Variants in SELENOT observed in about 807,000 individuals in gnomAD.
The protein encoded by SELENOT is thioredoxin reductase-like selenoprotein T.
A neutral mutation model predicts 24.3 loss-of-function variants in SELENOT; 9 were observed. The ratio of observed to expected loss-of-function variants is 0.37; its 90% CI spans 0.22 to 0.65. The LOEUF (loss-of-function observed/expected upper bound fraction) is 0.65. Ranked by LOEUF, SELENOT falls within the 30% of genes least tolerant of loss-of-function variation. The pLI is 0.60. For synonymous variants in SELENOT, 81 were observed against 86.0 expected (o/e 0.94, Z 0.32); for missense variants, 166 against 247.6 (o/e 0.67, Z 2.21).
intron 1 of SELENOT, 72 bp downstream of exon 1, chr3:150,603,571 G>A: frequency 6.8e-7 from 1 of 1,467,090 alleles, no homozygotes; most frequent in Non-Finnish European, 9.1e-7. Context: ...GCGAGGCCCC[G>A]GCTTCGCGGC....
chr3:150,611,770 C>A, intron 1 of SELENOT: 1 of 1,203,088 alleles, frequency 8.3e-7, no homozygotes, highest in Non-Finnish European at 1.2e-6. Flanking sequence ...CCGCTGAGAC[C>A]GCCCCTGCGC....
intron 1 of SELENOT, among the ~76,000 whole-genome samples, chr3:150,608,554 G>A (rs1358732275): frequency 2.0e-5 from 3 of 151,970 alleles, no homozygotes; most frequent in Non-Finnish European, 4.4e-5. Context: ...GATTGCTTGC[G>A]GCCAGGAGTT....
rs1368791970 is a variant in SELENOT at position 150,628,717 on chromosome 3, T to G, written c.*1088T>G. The G allele has an allele frequency of 6.6e-6, 1 of 152,162 alleles. No individual in the cohort carries two copies. The highest frequency in any genetic ancestry group is 1.5e-5 in the Non-Finnish European group (1 of 68,018). The allele number at this position is 152,162 out of a possible 1,614,324, so 9.4% of individuals were successfully genotyped here. A position where few individuals can be genotyped will look rare whatever the true frequency, so the allele number is the denominator to read the frequency against. ...CTGTTTCAGAGTTCTAAAAAGGCAG[T>G]TTTTTAAAAAACTTAAGTTGATAAA... On this transcript the variant is annotated 3_prime_UTR_variant, in exon 6 of 6. Transcript: ENST00000471696.
At chr3:150,615,193 A>G (rs1358980820) in intron 1 of SELENOT, among the ~76,000 whole-genome samples, 1 of 150,728 alleles carries the variant, frequency 6.6e-6, no homozygotes, top group African/African-American at 2.4e-5. Context: ...AAGGACATGA[A>G]TGCATCATTT....
rs191383021 is a variant in SELENOT at position 150,628,874 on chromosome 3, T to C, written c.*1245T>C. ...GCCAAAAGTGATTTAGGAAAAGTTA[T>C]AAGGTACAGGTTGAGTATCCCTTTT... On this transcript the variant is annotated 3_prime_UTR_variant, in exon 6 of 6. Coordinates refer to ENST00000471696, the MANE Select transcript of SELENOT (RefSeq NM_016275.5). 1.9e-3 allele frequency: 294 copies of C among 152,324 alleles called. 1 individual carries two copies. The highest frequency in any genetic ancestry group is 6.3e-3 in the African/African-American group (263 of 41,582). 9.4% of individuals were successfully genotyped at this position (152,324 alleles called of 1,614,324 possible).
chr3:150,607,077 A>G (rs529826498), intron 1 of SELENOT, among the ~76,000 whole-genome samples: 1 of 152,338 alleles, frequency 6.6e-6, no homozygotes, highest in Admixed American at 6.5e-5. Flanking sequence ...TACAGTTAAT[A>G]TTTACTTGAA....
At chr3:150,618,196 CTGTT>C (rs542279860) in intron 1 of SELENOT, among the ~76,000 whole-genome samples, 105 of 152,286 alleles carry the variant, frequency 6.9e-4, no homozygotes, top group African/African-American at 2.4e-3. Flanking sequence ...AGAAGGAACT[CTGTT>C]TGGATCTTCT....
At chr3:150,615,306 A>G (rs1473878311) in intron 1 of SELENOT, among the ~76,000 whole-genome samples, 1 of 151,690 alleles carries the variant, frequency 6.6e-6, no homozygotes, top group Non-Finnish European at 1.5e-5. Flanking sequence ...TGCTATTGTG[A>G]ATAATGCCGC....
Position 150,605,596 on chromosome 3 carries a change from T to A in SELENOT, c.137+2097T>A, listed in dbSNP as rs531279440. ...AACAAAAATGCTTCCATTTAAAAAA[T>A]TATTTTTATTTTTATTTTTCTGACA... On this transcript the variant is annotated intron_variant, in intron 1 of 5. Transcript: ENST00000471696. Among the ~76,000 whole-genome samples, 592 of 152,008 alleles carry A rather than the reference T, an allele frequency of 3.9e-3. 3 individuals carry two copies. The highest frequency in any genetic ancestry group is 0.013 in the African/African-American group (547 of 41,426).
rs560216509 is a variant in SELENOT at position 150,612,466 on chromosome 3, G to A, written c.137+8967G>A. 5.9e-5 allele frequency among the ~76,000 whole-genome samples: 9 copies of A among 152,160 alleles called. No individual in the cohort carries two copies. In the South Asian group the frequency reaches 1.7e-3, roughly 28 times the overall value. ...ATCCTTTGAGGATAATTAGATTTTGGTGTCATGTAATTTGGGTGGTATCAC... is the reference window on the plus strand; with the variant it reads ...ATCCTTTGAGGATAATTAGATTTTGATGTCATGTAATTTGGGTGGTATCAC... On this transcript the variant is annotated intron_variant, in intron 1 of 5. Transcript: ENST00000471696.
At position 150,629,933 on chromosome 3, in the gene SELENOT, A is replaced by G. The variant is rs1224152141; in HGVS notation, c.*2304A>G. The G allele has an allele frequency of 1.3e-5, 2 of 152,662 alleles. No homozygotes were observed. The highest frequency in any genetic ancestry group is 4.8e-5 in the African/African-American group (2 of 41,470). The allele number at this position is 152,662 out of a possible 1,614,324, so 9.5% of individuals were successfully genotyped here. On this transcript the variant is annotated 3_prime_UTR_variant, in exon 6 of 6. Transcript: ENST00000471696. ...TAAATGTCTGTGCACTATATTAATT[A>G]GAAGACCATAGAACATGCCAGCAGG... is the stretch of plus-strand genomic sequence containing the variant.
intron 1 of SELENOT, among the ~76,000 whole-genome samples, chr3:150,617,765 A>G (rs1726250135): frequency 7.1e-6 from 1 of 139,912 alleles, no homozygotes; most frequent in South Asian, 2.4e-4. Context: ...AGTGTTGTTT[A>G]TGCAACTTAA....
intron 1 of SELENOT, among the ~76,000 whole-genome samples, chr3:150,620,372 T>C (rs1044448741): frequency 6.6e-6 from 1 of 152,314 alleles, no homozygotes; most frequent in Non-Finnish European, 1.5e-5. Context: ...AGGATAGCTC[T>C]TGAATCATCT....
chr3:150,603,688 TA>T, intron 1 of SELENOT, 189 bp downstream of exon 1: 1 of 599,852 alleles, frequency 1.7e-6, no homozygotes, highest in Non-Finnish European at 2.8e-6. Flanking sequence ...CTTTTCCAGG[TA>T]TAACTGCTCA....
chr3:150,625,734 T>C (rs1366043032), intron 4 of SELENOT, among the ~76,000 whole-genome samples: 1 of 152,206 alleles, frequency 6.6e-6, no homozygotes, highest in Non-Finnish European at 1.5e-5. Context: ...AGTGAAAAAT[T>C]TGTAGAAATT....
chr3:150,611,149 GAA>G (rs1238941384), intron 1 of SELENOT: 6 of 638,730 alleles, frequency 9.4e-6, no homozygotes, highest in East Asian at 2.9e-5. Context: ...CAGAAACAAA[GAA>G]AATAAAATCA....
At chr3:150,609,460 C>T (rs1342635609) in intron 1 of SELENOT, among the ~76,000 whole-genome samples, 1 of 152,144 alleles carries the variant, frequency 6.6e-6, no homozygotes, top group Non-Finnish European at 1.5e-5. Flanking sequence ...AGTCATTCTC[C>T]CACCTCAGCC....
At chr3:150,609,586 G>A (rs1242740780) in intron 1 of SELENOT, among the ~76,000 whole-genome samples, 1 of 152,160 alleles carries the variant, frequency 6.6e-6, no homozygotes. Flanking sequence ...CTGGGCTCAA[G>A]CAGTCCTGCC....
intron 3 of SELENOT, among the ~76,000 whole-genome samples, chr3:150,624,544 A>C (rs150601656): frequency 0.016 from 2,389 of 152,314 alleles, 24 homozygotes; most frequent in Non-Finnish European, 0.024. Context: ...AAAAATGGTA[A>C]AGTGAACTCT....
Sources: allele counts gnomAD v4.1 joint callset (sites outside exome capture counted in the v4.1 genomes callset), GRCh38; gene constraint gnomAD v4.1.1; transcripts MANE v1.5; gene names NCBI Gene and HGNC (gene_info 2026-07-23, HGNC 2026-07-21).